The following PRMT2 variants were observed in gnomAD, a reference collection of about 807,000 sequenced individuals.
PRMT2 encodes the protein protein arginine N-methyltransferase 2.
Under a neutral mutation model 57.6 loss-of-function variants are expected in PRMT2, and 26 were observed. The ratio of observed to expected loss-of-function variants is 0.45; its 90% CI spans 0.33 to 0.63. PRMT2 has a LOEUF of 0.63. Ranked by LOEUF, PRMT2 falls within the 20% of genes least tolerant of loss-of-function variation. The pLI, the probability that PRMT2 is intolerant of heterozygous loss-of-function variation, is 0.02. For missense variants in PRMT2, 472 were observed against 564.4 expected, an observed-to-expected ratio of 0.84 and a Z score of 1.66; for synonymous variants, 219 against 220.0, an observed-to-expected ratio of 1.00 and a Z score of 0.04.
chr21:46,658,681 T>TGTTAC, intron 7 of PRMT2, 64 bp from the exon 8 acceptor site: 1 of 1,582,476 alleles, frequency 6.3e-7, no homozygotes, highest in Non-Finnish European at 8.6e-7. Flanking sequence ...AATGTGGTGG[T>TGTTAC]GAGAGGCCTG....
chr21:46,652,161 T>C, intron 7 of PRMT2: 1 of 1,432,854 alleles, frequency 7.0e-7, no homozygotes, highest in South Asian at 1.5e-5. Context: ...CTTCACACCA[T>C]CTGCTAAAAT....
Position 46,661,409 on chromosome 21 carries a change from C to T in PRMT2, c.961-391C>T, listed in dbSNP as rs1047015492. 53 of 169,320 alleles carry T rather than the reference C, an allele frequency of 3.1e-4. 1 individual carries two copies. The highest frequency in any genetic ancestry group is 2.4e-3 in the Middle Eastern group (1 of 416). 10.5% of individuals were successfully genotyped at this position (169,320 alleles called of 1,614,324 possible). On this transcript the variant is annotated intron_variant, in intron 9 of 11. Transcript: ENST00000355680. Reference sequence around the variant, plus strand: ...GCTCTGGGCGGTTTCCCCGCGCCCCCGCCCTGCCTGGCGCCCCAGCTGGCG... The same window carrying T: ...GCTCTGGGCGGTTTCCCCGCGCCCCTGCCCTGCCTGGCGCCCCAGCTGGCG...
intron 10 of PRMT2, among the ~76,000 whole-genome samples, chr21:46,662,894 A>G (rs1173783378): frequency 6.6e-6 from 1 of 152,148 alleles, no homozygotes; most frequent in Non-Finnish European, 1.5e-5. Flanking sequence ...GTCTGTGTAC[A>G]CCACAGTTTA....
In PRMT2 at chr21:46,661,930, T is replaced by A; in HGVS notation, c.1091T>A (p.Phe364Tyr). ...QPPQVLSTGPFHPTTHWKQTL... is the reference protein window; with the variant it reads ...QPPQVLSTGPYHPTTHWKQTL... The stretch of plus-strand genomic sequence containing the variant: ...CCGCAGGTGCTCAGCACCGGGCCCT[T>A]CCACCCGTGAGTGTGCGGGGCGCGG... Residue 364 changes from phenylalanine (F) to tyrosine (Y), a missense_variant, in exon 10 of 12, where the codon TTC becomes TAC. Transcript: ENST00000355680. The A allele has an allele frequency of 1.7e-6, 2 of 1,205,102 alleles. No homozygotes were observed. Among genetic ancestry groups the A allele is most frequent in the South Asian group, 1.8e-5 (1 of 55,014 alleles). The allele number at this position is 1,205,102 out of a possible 1,614,324, so 74.7% of individuals were successfully genotyped here.
rs2061538221 is a variant in PRMT2, at chr21:46,656,080, C to T, written c.655-2665C>T. ...GTTTGGGTCATGGGTGTGGATCCCT[C>T]ATGAATAGATGAATGCCCTTCCTCG... On this transcript the variant is annotated intron_variant, in intron 7 of 11. Coordinates refer to ENST00000355680, the MANE Select transcript of PRMT2 (RefSeq NM_206962.4). Among the ~76,000 whole-genome samples the T allele has an allele frequency of 2.0e-5, 3 of 152,142 alleles. No homozygotes were observed. In the South Asian group the frequency reaches 6.2e-4, roughly 32 times the overall value.
chr21:46,646,337 T>C (rs890503629), intron 5 of PRMT2, among the ~76,000 whole-genome samples: 2 of 152,228 alleles, frequency 1.3e-5, no homozygotes, highest in African/African-American at 4.8e-5. Flanking sequence ...GAAAGATACA[T>C]AATGAAAAGC....
At chr21:46,654,829 G>A (rs929638062) in intron 7 of PRMT2, 2 of 904,610 alleles carry the variant, frequency 2.2e-6, no homozygotes, top group Non-Finnish European at 2.6e-6. Flanking sequence ...ATCCACGGGG[G>A]TCCTGGAACA....
intron 9 of PRMT2, 41 bp downstream of exon 9, chr21:46,661,003 T>G (rs376259184): frequency 1.4e-5 from 22 of 1,592,096 alleles, no homozygotes; most frequent in Non-Finnish European, 1.5e-5. Context: ...CGATAATCAG[T>G]GACCACGAAA....
intron 3 of PRMT2, among the ~76,000 whole-genome samples, chr21:46,642,636 T>C (rs2245141): frequency 0.22 from 33,207 of 152,198 alleles, 3,842 homozygotes; most frequent in Middle Eastern, 0.29. Context: ...GTTTAAAATG[T>C]ATGTATTGAG....
Position 46,656,077 on chromosome 21 carries a change from C to T in PRMT2, c.655-2668C>T, listed in dbSNP as rs772711875. Among the ~76,000 whole-genome samples, 12 of 151,950 alleles carry T rather than the reference C, an allele frequency of 7.9e-5. No individual in the cohort carries two copies. The South Asian group carries it at 1.0e-3, about 13-fold the overall frequency. ...GGTGTTTGGGTCATGGGTGTGGATCCCTCATGAATAGATGAATGCCCTTCC... is the reference window on the plus strand; with the variant it reads ...GGTGTTTGGGTCATGGGTGTGGATCTCTCATGAATAGATGAATGCCCTTCC... On this transcript the variant is annotated intron_variant, in intron 7 of 11. Coordinates refer to ENST00000355680, the MANE Select transcript of PRMT2 (RefSeq NM_206962.4).
intron 7 of PRMT2, chr21:46,650,012 T>C: frequency 7.2e-7 from 1 of 1,397,720 alleles, no homozygotes; most frequent in Non-Finnish European, 9.4e-7. Context: ...CGGGGATCTG[T>C]AAAAATCCTG....
In PRMT2 at chr21:46,649,825, G is replaced by C; in HGVS notation, c.654+86G>C. ...GGCTGGGCCAACCTCAGGATCTCAA[G>C]GGTCGTGCGTGATTCATTTTGATGT... On this transcript the variant is annotated intron_variant, in intron 7 of 11. Coordinates refer to ENST00000355680, the MANE Select transcript of PRMT2 (RefSeq NM_206962.4). This position sits in a 1 kb window ranked among gnomAD's most constrained non-coding sequence, Gnocchi z 4.8. 6.4e-7 allele frequency: 1 copy of C among 1,550,976 alleles called. No homozygotes were observed. The highest frequency in any genetic ancestry group is 8.7e-7 in the Non-Finnish European group (1 of 1,144,640).
intron 7 of PRMT2, chr21:46,653,736 C>T (rs1226171812): frequency 1.1e-5 from 13 of 1,213,314 alleles, no homozygotes; most frequent in African/African-American, 3.2e-5. Context: ...AAACCATCAA[C>T]TCTTCTGGAT....
Position 46,664,322 on chromosome 21 carries a change from A to G in PRMT2, c.1297A>G (p.Arg433Gly), listed in dbSNP as rs1010048656. ...KVGEKVFPIW[R>G] ...TGGAGAAAAAGTCTTCCCCATCTGG[A>G]GATGACAGTTGATGCTTTATTTGGA... is the stretch of plus-strand genomic sequence containing the variant. Residue 433 changes from arginine (R) to glycine (G), a missense_variant, in exon 12 of 12, where the codon AGA becomes GGA. By Grantham distance (125) the Arg-to-Gly change is moderately radical. Transcript: ENST00000355680. 1 of 1,614,078 alleles carries G rather than the reference A, an allele frequency of 6.2e-7. No homozygotes were observed. The highest frequency in any genetic ancestry group is 1.1e-5 in the South Asian group (1 of 91,084).
chr21:46,639,696 G>A (rs1456343961), intron 3 of PRMT2, among the ~76,000 whole-genome samples: 5 of 150,080 alleles, frequency 3.3e-5, no homozygotes, highest in African/African-American at 1.2e-4. Context: ...TAAAGTGTGT[G>A]TGTGTGTGTG....
At chr21:46,654,388 T>C (rs565333954) in intron 7 of PRMT2, among the ~76,000 whole-genome samples, 4 of 152,278 alleles carry the variant, frequency 2.6e-5, no homozygotes, top group Admixed American at 2.6e-4. Context: ...TTAGACATAG[T>C]GGTAACCTAG....
rs771842399 is a variant in PRMT2, at chr21:46,649,583, G to A, written c.498G>A (p.Ala166=). ...TGCCTCTGCTGCTGCAGGTGTACGC[G>A]GTGGAGGCCAGTGAGATGGCACAGC... ...AHYARPRAVY[A]VEASEMAQHT... Residue 166 remains alanine (A), a synonymous_variant, in exon 7 of 12, where the codon GCG becomes GCA. Coordinates refer to ENST00000355680, the MANE Select transcript of PRMT2 (RefSeq NM_206962.4). The surrounding 1 kb of genome is among the most constrained non-coding windows in gnomAD (Gnocchi z 4.8). 1.2e-5 allele frequency: 19 copies of A among 1,613,908 alleles called. No homozygotes were observed. The highest frequency in any genetic ancestry group is 1.1e-4 in the African/African-American group (8 of 74,924).
In PRMT2 at chr21:46,660,981, G is replaced by C; in HGVS notation, c.960+19G>C. On this transcript the variant is annotated intron_variant, in intron 9 of 11. Coordinates refer to ENST00000355680, the MANE Select transcript of PRMT2 (RefSeq NM_206962.4). ...TCTAGAGGTGAGAAAAAGATGAATT[G>C]CTCCTTACATTCGATAATCAGTGAC... 3 of 1,606,928 alleles carry C rather than the reference G, an allele frequency of 1.9e-6. No homozygotes were observed. Among genetic ancestry groups the C allele is most frequent in the South Asian group, 1.1e-5 (1 of 90,448 alleles).
chr21:46,663,439 C>G lies in PRMT2; in HGVS notation c.1154C>G (p.Thr385Arg), dbSNP rs745656902. ...FMMDDPVPVH[T>R]GDVVTGSVVL... is the part of the protein sequence containing the mutation. ...ATGGACGACCCAGTCCCTGTCCATA[C>G]AGGAGACGTGGTCACGGGTTCAGTT... The change falls in exon 11 of 12, where the codon ACA becomes AGA. Residue 385 changes from threonine to arginine, a missense_variant. Physicochemically the swap from Thr to Arg is moderately conservative, Grantham distance 71. This residue lies in a region of PRMT2 where 229 missense variants were observed against 217.2 expected (regional missense o/e 1.05). Transcript: ENST00000355680. 3.7e-6 allele frequency: 6 copies of G among 1,614,088 alleles called. No individual in the cohort carries two copies. Among genetic ancestry groups the G allele is most frequent in the African/African-American group, 1.3e-5 (1 of 74,936 alleles).
Sources: gnomAD v4.1 joint callset for allele counts (sites outside exome capture counted in the v4.1 genomes callset) on GRCh38, gnomAD v4.1.1 for gene constraint, gnomAD v4.1.1 regional missense constraint, Gnocchi (gnomAD v3.1) non-coding constraint, MANE v1.5 for transcripts, NCBI Gene and HGNC (gene_info 2026-07-23, HGNC 2026-07-21) for gene names.